ERICH6B: variants seen among roughly 807,000 people sequenced by gnomAD.
ERICH6B encodes the protein glutamate-rich protein 6B.
In ERICH6B, 69 loss-of-function variants were observed where a neutral mutation model predicts 80.0. The observed-to-expected ratio is 0.86, with a 90% CI of 0.71 to 1.05. The LOEUF (loss-of-function observed/expected upper bound fraction) is 1.05, where lower values mean the gene tolerates loss of function less well. Among genes scored for constraint, ERICH6B ranks in the 50% least tolerant of loss-of-function variants. The pLI, the probability that ERICH6B is intolerant of heterozygous loss-of-function variation, is 0.00. For missense variants in ERICH6B, 754 were observed against 796.1 expected (o/e 0.95, Z 0.64); for synonymous variants, 283 against 291.9 (o/e 0.97, Z 0.31).
chr13:45,574,583 T>C (rs1186079171), intron 8 of ERICH6B, among the ~76,000 whole-genome samples: 1 of 152,154 alleles, frequency 6.6e-6, no homozygotes, highest in African/African-American at 2.4e-5. Flanking sequence ...GTGGAGAGGT[T>C]AGCATCTGGA....
intron 4 of ERICH6B, among the ~76,000 whole-genome samples, chr13:45,588,478 C>A (rs1007979025): frequency 6.6e-6 from 1 of 152,216 alleles, no homozygotes; most frequent in Non-Finnish European, 1.5e-5. Flanking sequence ...CCCATGTCAA[C>A]TCTTGCCCTG....
rs1328863961 is a variant in ERICH6B at position 45,561,352 on chromosome 13, T to C, written c.1407+17A>G. Reference sequence around the variant, plus strand: ...TCCTGTGCAAAGTAAAAAACAGCAATGTACTGTCCCTCTTACCACTGTCTT... The same window carrying C: ...TCCTGTGCAAAGTAAAAAACAGCAACGTACTGTCCCTCTTACCACTGTCTT... On this transcript the variant is annotated intron_variant, in intron 11 of 14. Transcript: ENST00000298738. The C allele has an allele frequency of 1.4e-5, 21 of 1,548,558 alleles. No homozygotes were observed. The highest frequency in any genetic ancestry group is 2.4e-5 in the East Asian group (1 of 40,858).
chr13:45,547,758 T>C (rs562269123), intron 13 of ERICH6B, among the ~76,000 whole-genome samples: 5 of 152,166 alleles, frequency 3.3e-5, no homozygotes, highest in Non-Finnish European at 5.9e-5. Flanking sequence ...TTCCCTTGTG[T>C]ACAAGCTGAT....
chr13:45,600,756 A>C (rs1949822547), intron 2 of ERICH6B, among the ~76,000 whole-genome samples: 1 of 152,186 alleles, frequency 6.6e-6, no homozygotes, highest in Admixed American at 6.5e-5. Context: ...GTTGGTGGAC[A>C]CTTAGGTTGA....
intron 8 of ERICH6B, 36 bp downstream of exon 8, chr13:45,574,806 G>A (rs1439699345): frequency 1.4e-6 from 2 of 1,469,120 alleles, no homozygotes; most frequent in South Asian, 2.4e-5. Context: ...TTTGGAGGAA[G>A]CTGGGGGGGG....
chr13:45,596,757 T>A lies in ERICH6B; in HGVS notation c.249A>T (p.Glu83Asp). The change falls in exon 3 of 15, where the codon GAA (glutamate) becomes GAT (aspartate). Residue 83 changes from glutamate to aspartate, a missense_variant. By Grantham distance (45) the Glu-to-Asp change is conservative. Transcript: ENST00000298738. The part of the protein sequence containing the change: ...YLGKEEYLKE[E>D]EYLGKEEHLE... ...GATGCTCTTCCTTCCCCAGATACTC[T>A]TCCTCCTTCAAGTATTCTTCTTTCC... 6.4e-7 allele frequency: 1 copy of A among 1,551,712 alleles called. No individual in the cohort carries two copies. The highest frequency in any genetic ancestry group is 8.7e-7 in the Non-Finnish European group (1 of 1,146,978).
At chr13:45,569,430 G>A (rs1228897527) in intron 8 of ERICH6B, among the ~76,000 whole-genome samples, 1 of 152,178 alleles carries the variant, frequency 6.6e-6, no homozygotes, top group East Asian at 1.9e-4. Flanking sequence ...TCGTCCACAA[G>A]CTGCCTTTTT....
intron 1 of ERICH6B, among the ~76,000 whole-genome samples, chr13:45,614,096 C>A (rs1208804808): frequency 1.3e-5 from 2 of 152,182 alleles, no homozygotes; most frequent in South Asian, 2.1e-4. Context: ...CCCTTCCAAC[C>A]AGAGACCTCA....
intron 11 of ERICH6B, chr13:45,553,129 G>A: frequency 2.8e-6 from 1 of 357,262 alleles, no homozygotes; most frequent in South Asian, 2.2e-5. Context: ...TGGTATTTGT[G>A]CAGCCATATT....
rs535648181 is a variant in ERICH6B at position 45,600,111 on chromosome 13, C to T, written c.-58-3048G>A. Among the ~76,000 whole-genome samples the T allele has an allele frequency of 7.9e-5, 12 of 152,274 alleles. No homozygotes were observed. The East Asian group carries it at 1.2e-3, about 15-fold the overall frequency. On this transcript the variant is annotated intron_variant, in intron 2 of 14. Transcript: ENST00000298738. The stretch of plus-strand genomic sequence containing the variant: ...ACCCAACCACAGCTATGTCTGCAGA[C>T]GCCTCTTCCATTGTAAAGGAGGCCC...
chr13:45,585,116 C>A (rs1443468412), intron 5 of ERICH6B, among the ~76,000 whole-genome samples: 3 of 152,176 alleles, frequency 2.0e-5, no homozygotes, highest in Non-Finnish European at 4.4e-5. Context: ...TCAGAGTATG[C>A]TTGTTTGGAG....
At chr13:45,572,165 G>T (rs545487405) in intron 8 of ERICH6B, among the ~76,000 whole-genome samples, 148 of 152,276 alleles carry the variant, frequency 9.7e-4, no homozygotes, top group African/African-American at 3.3e-3. Flanking sequence ...GTACCAAATA[G>T]AACTTTCTAC....
intron 9 of ERICH6B, among the ~76,000 whole-genome samples, chr13:45,565,834 C>T (rs185036333): frequency 1.3e-5 from 2 of 152,298 alleles, no homozygotes; most frequent in East Asian, 3.9e-4. Flanking sequence ...TGGGGTGCTG[C>T]TCAAAGATAC....
At chr13:45,575,762 G>A (rs771082451) in intron 7 of ERICH6B, among the ~76,000 whole-genome samples, 10 of 152,106 alleles carry the variant, frequency 6.6e-5, no homozygotes, top group African/African-American at 9.7e-5. Context: ...GGTGACTCTC[G>A]GGGCCAGGAG....
At position 45,563,748 on chromosome 13, in the gene ERICH6B, G is replaced by T. The variant is rs60300837; in HGVS notation, c.1228C>A (p.Arg410=). Residue 410 remains arginine (R), a synonymous_variant, in exon 10 of 15, where the codon CGG becomes AGG. Transcript: ENST00000298738. ...NYEKFKETIL[R]IKRRREAQKL... ...CTACCTTCACGTCTCCTCTTAATCC[G>T]TAAGATTGTTTCCTTGAACTTTTCA... 3.4e-4 allele frequency: 535 copies of T among 1,552,118 alleles called. 1 individual carries two copies. Among genetic ancestry groups the T allele is most frequent in the Non-Finnish European group, 4.5e-4 (514 of 1,147,128 alleles).
intron 7 of ERICH6B, among the ~76,000 whole-genome samples, chr13:45,576,700 G>A (rs535352172): frequency 1.3e-5 from 2 of 151,742 alleles, no homozygotes; most frequent in South Asian, 2.1e-4. Flanking sequence ...ATTTGCGATT[G>A]CCATATTTTA....
rs187523999 is a variant in ERICH6B at position 45,605,137 on chromosome 13, C to T, written c.-59+2427G>A. On this transcript the variant is annotated intron_variant, in intron 2 of 14. Transcript: ENST00000298738. Reference sequence around the variant, plus strand: ...TCCTGAAGCCCCTCCTCTTTGGTTCCCTGACTCCCAACCCACTCAAGGTGT... The same window carrying T: ...TCCTGAAGCCCCTCCTCTTTGGTTCTCTGACTCCCAACCCACTCAAGGTGT... Among the ~76,000 whole-genome samples the T allele has an allele frequency of 7.0e-4, 107 of 152,196 alleles. No individual in the cohort carries two copies. In the East Asian group the frequency reaches 0.017, roughly 24 times the overall value.
rs192244030 is a variant in ERICH6B at position 45,550,745 on chromosome 13, G to T, written c.1408-429C>A. ...CTCTTGGCTTTTGATGATAGACGGAGATCCTTGACATTCCTTGGCTTGTGA... is the reference window on the plus strand; with the variant it reads ...CTCTTGGCTTTTGATGATAGACGGATATCCTTGACATTCCTTGGCTTGTGA... On this transcript the variant is annotated intron_variant, in intron 11 of 14. Coordinates refer to ENST00000298738, the MANE Select transcript of ERICH6B (RefSeq NM_182542.3). Among the ~76,000 whole-genome samples the T allele has an allele frequency of 3.3e-5, 5 of 152,250 alleles. No individual in the cohort carries two copies. In the East Asian group the frequency reaches 9.7e-4, roughly 29 times the overall value.
intron 13 of ERICH6B, 137 bp downstream of exon 13, chr13:45,549,756 C>T: frequency 1.0e-6 from 1 of 963,714 alleles, no homozygotes. Flanking sequence ...TGGACTGGTC[C>T]ATCATGGTGC....
Sources: gnomAD v4.1 joint callset for allele counts (sites outside exome capture counted in the v4.1 genomes callset) on GRCh38, gnomAD v4.1.1 for gene constraint, MANE v1.5 for transcripts, NCBI Gene and HGNC (gene_info 2026-07-23, HGNC 2026-07-21) for gene names.